FRMD4B: variants seen among roughly 807,000 people sequenced by gnomAD.
FRMD4B encodes the protein FERM domain containing 4B, also known as FERM domain-containing protein 4B.
Under a neutral mutation model 141.5 loss-of-function variants are expected in FRMD4B, and 74 were observed. The observed-to-expected ratio is 0.52, with a 90% CI of 0.43 to 0.63. The LOEUF (loss-of-function observed/expected upper bound fraction) is 0.63. Among genes scored for constraint, FRMD4B ranks in the 30% least tolerant of loss-of-function variants. FRMD4B has a pLI of 0.00. For missense variants in FRMD4B, 1,366 were observed against 1,253.4 expected, an observed-to-expected ratio of 1.09 and a Z score of -1.36; for synonymous variants, 506 against 467.9, an observed-to-expected ratio of 1.08 and a Z score of -1.05.
chr3:69,278,350 G>C (rs1366017070), intron 5 of FRMD4B, among the ~76,000 whole-genome samples: 1 of 152,180 alleles, frequency 6.6e-6, no homozygotes, highest in African/African-American at 2.4e-5. Flanking sequence ...CCAGGTGGGA[G>C]TGCGGTGGCA....
At chr3:69,320,423 T>G (rs1701959003) in intron 1 of FRMD4B, among the ~76,000 whole-genome samples, 1 of 151,772 alleles carries the variant, frequency 6.6e-6, no homozygotes, top group South Asian at 2.1e-4. Flanking sequence ...TGAGAAACCA[T>G]CTCTACAAAA....
At chr3:69,481,811 T>C (rs1706129498) in intron 1 of FRMD4B, among the ~76,000 whole-genome samples, 1 of 152,178 alleles carries the variant, frequency 6.6e-6, no homozygotes, top group Admixed American at 6.5e-5. Context: ...TGGAGTCAGA[T>C]ACTCACCTCT....
At chr3:69,197,124 G>C in intron 12 of FRMD4B, 86 bp from the exon 13 acceptor site, 2 of 1,008,560 alleles carry the variant, frequency 2.0e-6, no homozygotes, top group African/African-American at 1.6e-5. Context: ...TTGTAACAAA[G>C]CATGTTCCTC....
At chr3:69,313,430 C>T (rs912821638) in intron 2 of FRMD4B, 22 bp downstream of exon 2, 33 of 1,538,210 alleles carry the variant, frequency 2.1e-5, no homozygotes, top group Non-Finnish European at 2.8e-5. Context: ...ATCTGGGCAA[C>T]ACACATGTGG....
chr3:69,180,775 A>G, intron 21 of FRMD4B, 124 bp downstream of exon 21: 1 of 654,944 alleles, frequency 1.5e-6, no homozygotes, highest in East Asian at 2.7e-5. Flanking sequence ...GTGGGGTTCC[A>G]CCGAATGGTT....
intron 1 of FRMD4B, among the ~76,000 whole-genome samples, chr3:69,452,846 A>T (rs1470325134): frequency 6.6e-6 from 1 of 152,260 alleles, no homozygotes; most frequent in African/African-American, 2.4e-5. Flanking sequence ...CTGCAGCCAC[A>T]TTAATAAAAG....
At chr3:69,396,434 G>A (rs1241901500) in intron 2 of FRMD4B, among the ~76,000 whole-genome samples, 2 of 152,070 alleles carry the variant, frequency 1.3e-5, no homozygotes, top group African/African-American at 4.8e-5. Flanking sequence ...GAACCCAAGA[G>A]CAGGAGGCTG....
At chr3:69,416,897 C>T (rs930936599) in intron 2 of FRMD4B, among the ~76,000 whole-genome samples, 1 of 152,142 alleles carries the variant, frequency 6.6e-6, no homozygotes, top group Non-Finnish European at 1.5e-5. Flanking sequence ...TTTTTTATGG[C>T]TGCATAGTAT....
chr3:69,243,184 G>A (rs1162615273), intron 7 of FRMD4B, among the ~76,000 whole-genome samples: 2 of 152,058 alleles, frequency 1.3e-5, no homozygotes, highest in Non-Finnish European at 2.9e-5. Flanking sequence ...TCTATTTAAA[G>A]AAAATGGAAG....
At chr3:69,523,259 G>C (rs1320290763) in intron 1 of FRMD4B, among the ~76,000 whole-genome samples, 1 of 152,156 alleles carries the variant, frequency 6.6e-6, no homozygotes. Flanking sequence ...AGCCTCATAA[G>C]AGGATGACAG....
At chr3:69,219,099 A>C (rs1426388769) in intron 9 of FRMD4B, among the ~76,000 whole-genome samples, 1 of 147,038 alleles carries the variant, frequency 6.8e-6, no homozygotes, top group Non-Finnish European at 1.5e-5. Flanking sequence ...CGGGAGGTGG[A>C]GGTTGCAGTG....
At chr3:69,451,790 C>A (rs1168535576) in intron 1 of FRMD4B, among the ~76,000 whole-genome samples, 1 of 152,094 alleles carries the variant, frequency 6.6e-6, no homozygotes, top group Non-Finnish European at 1.5e-5. Flanking sequence ...AAAAAAACAC[C>A]AGTCCCAGCT....
chr3:69,196,007 G>C (rs1023779249), intron 14 of FRMD4B, among the ~76,000 whole-genome samples: 6 of 152,114 alleles, frequency 3.9e-5, no homozygotes, highest in African/African-American at 1.4e-4. Context: ...GTTCTTTCAA[G>C]CCACACCTTG....
At chr3:69,179,958 G>A (rs1293569021) in intron 21 of FRMD4B, among the ~76,000 whole-genome samples, 1 of 152,130 alleles carries the variant, frequency 6.6e-6, no homozygotes, top group African/African-American at 2.4e-5. Flanking sequence ...GTACAACTGG[G>A]AGTAGGCAGG....
chr3:69,177,211 T>G (rs2092656304), intron 21 of FRMD4B, among the ~76,000 whole-genome samples: 1 of 151,772 alleles, frequency 6.6e-6, no homozygotes, highest in Non-Finnish European at 1.5e-5. Context: ...TGGTGGCGCA[T>G]GCCTATAATC....
chr3:69,301,228 G>T, intron 4 of FRMD4B, among the ~76,000 whole-genome samples: 1 of 152,216 alleles, frequency 6.6e-6, no homozygotes, highest in East Asian at 1.9e-4. Flanking sequence ...TTAGGAAAGT[G>T]GGGAGAGGGG....
intron 2 of FRMD4B, among the ~76,000 whole-genome samples, chr3:69,426,831 G>A (rs879630661): frequency 6.6e-6 from 1 of 152,142 alleles, no homozygotes; most frequent in South Asian, 2.1e-4. Flanking sequence ...ATGACAGAAA[G>A]GCCACTTGGC....
chr3:69,185,312 A>AAG (rs1575588290), intron 19 of FRMD4B, among the ~76,000 whole-genome samples: 1 of 151,462 alleles, frequency 6.6e-6, no homozygotes. Context: ...AAAAAAAAAA[A>AAG]AAAAGAAAAG....
At chr3:69,516,430 A>G (rs943874270) in intron 1 of FRMD4B, among the ~76,000 whole-genome samples, 1 of 152,134 alleles carries the variant, frequency 6.6e-6, no homozygotes, top group Non-Finnish European at 1.5e-5. Context: ...AGAGATTGGA[A>G]GATGTTATAC....
Sources: gnomAD v4.1 joint callset for allele counts (sites outside exome capture counted in the v4.1 genomes callset) on GRCh38, gnomAD v4.1.1 for gene constraint, MANE v1.5 for transcripts, NCBI Gene and HGNC (gene_info 2026-07-23, HGNC 2026-07-21) for gene names.